AKAIN1: variants seen among roughly 807,000 people sequenced by gnomAD.
The protein encoded by AKAIN1 is A-kinase anchor protein inhibitor 1.
AKAIN1 carries 3 observed loss-of-function variants against 3.7 expected under a neutral mutation model. That is an observed-to-expected ratio of 0.82 (90% CI 0.37 to 2.12). The LOEUF (loss-of-function observed/expected upper bound fraction) is 2.12. AKAIN1 is among the 30% of genes most tolerant of loss of function. The probability of loss-of-function intolerance (pLI) is 0.06; values close to 1 mark genes in which losing one functional copy is unlikely to be tolerated. For synonymous variants in AKAIN1, 31 were observed against 30.8 expected (o/e 1.01, Z -0.02); for missense variants, 82 against 82.7 (o/e 0.99, Z 0.03).
intron 1 of AKAIN1, among the ~76,000 whole-genome samples, chr18:5,178,969 C>A (rs1344130057): frequency 6.6e-6 from 1 of 152,082 alleles, no homozygotes; most frequent in Non-Finnish European, 1.5e-5. Context: ...TTTGGGTTTT[C>A]CCTTCGTATT....
intron 1 of AKAIN1, among the ~76,000 whole-genome samples, chr18:5,182,415 C>T (rs2071263540): frequency 6.6e-6 from 1 of 152,086 alleles, no homozygotes; most frequent in Non-Finnish European, 1.5e-5. Context: ...TTTATTTTCA[C>T]TACCACTCTG....
intron 1 of AKAIN1, among the ~76,000 whole-genome samples, chr18:5,152,804 A>C (rs934265115): frequency 6.6e-6 from 1 of 152,124 alleles, no homozygotes; most frequent in Non-Finnish European, 1.5e-5. Context: ...CCAGAGAGGA[A>C]CTCAAGGCAG....
chr18:5,178,770 TC>T (rs1335664572), intron 1 of AKAIN1, among the ~76,000 whole-genome samples: 1 of 152,078 alleles, frequency 6.6e-6, no homozygotes. Context: ...CTTAGAACAC[TC>T]CCCTAGAGAT....
chr18:5,164,254 C>T (rs550445313), intron 1 of AKAIN1, among the ~76,000 whole-genome samples: 2 of 152,132 alleles, frequency 1.3e-5, no homozygotes, highest in East Asian at 3.9e-4. Context: ...GGATGACAAA[C>T]ATACAGGTTA....
chr18:5,196,305 GC>G (rs1230347221), intron 1 of AKAIN1, among the ~76,000 whole-genome samples: 6 of 152,224 alleles, frequency 3.9e-5, no homozygotes, highest in Non-Finnish European at 8.8e-5. Context: ...GGCCTCCCTT[GC>G]TCCAGTGGGG....
At chr18:5,160,377 G>A (rs1218011999) in intron 1 of AKAIN1, among the ~76,000 whole-genome samples, 1 of 152,124 alleles carries the variant, frequency 6.6e-6, no homozygotes, top group Admixed American at 6.6e-5. Context: ...TTATGATGAC[G>A]ATTCCCCTTT....
chr18:5,156,154 C>A (rs563532362), intron 1 of AKAIN1, among the ~76,000 whole-genome samples: 1 of 152,098 alleles, frequency 6.6e-6, no homozygotes, highest in African/African-American at 2.4e-5. Context: ...ATTCTCAGTT[C>A]CCGGGCATGG....
intron 1 of AKAIN1, among the ~76,000 whole-genome samples, chr18:5,162,110 G>A (rs1418516353): frequency 6.6e-6 from 1 of 152,076 alleles, no homozygotes; most frequent in Non-Finnish European, 1.5e-5. Context: ...AGATTATAAG[G>A]ACTTAGGTCA....
chr18:5,179,655 C>G (rs945800411), intron 1 of AKAIN1, among the ~76,000 whole-genome samples: 1 of 151,936 alleles, frequency 6.6e-6, no homozygotes, highest in African/African-American at 2.4e-5. Flanking sequence ...AAATCAGGAG[C>G]CTGGCACACC....
intron 1 of AKAIN1, among the ~76,000 whole-genome samples, chr18:5,171,345 A>G (rs2071196620): frequency 6.6e-6 from 1 of 152,178 alleles, no homozygotes; most frequent in Non-Finnish European, 1.5e-5. Context: ...AAATGGGATC[A>G]CATCAAGTTA....
chr18:5,169,235 C>T lies in AKAIN1; in HGVS notation c.17-23480G>A, dbSNP rs116673568. Among the ~76,000 whole-genome samples the T allele has an allele frequency of 3.6e-3, 541 of 152,082 alleles. 3 individuals carry two copies. The highest frequency in any genetic ancestry group is 0.012 in the African/African-American group (500 of 41,482). On this transcript the variant is annotated intron_variant, in intron 1 of 1. Coordinates refer to ENST00000434239, the MANE Select transcript of AKAIN1 (RefSeq NM_001145194.2). ...TCAACTGGTTGGATAAGACCACCCA[C>T]GTTATGGAGAGTCATATGCTTTACT...
chr18:5,191,820 C>T (rs1291331682), intron 1 of AKAIN1, among the ~76,000 whole-genome samples: 2 of 152,070 alleles, frequency 1.3e-5, no homozygotes, highest in East Asian at 3.9e-4. Flanking sequence ...GGAATCTTTG[C>T]ATATACATAA....
At chr18:5,176,830 C>A (rs964116979) in intron 1 of AKAIN1, among the ~76,000 whole-genome samples, 29 of 151,800 alleles carry the variant, frequency 1.9e-4, no homozygotes, top group African/African-American at 6.0e-4. Flanking sequence ...CCTTAAAATT[C>A]TCCCTGCACC....
chr18:5,148,417 AT>A (rs1256481771), intron 1 of AKAIN1, among the ~76,000 whole-genome samples: 2 of 152,214 alleles, frequency 1.3e-5, no homozygotes, highest in Non-Finnish European at 2.9e-5. Context: ...AGGGCAAGCA[AT>A]TTCTTTTTAA....
At chr18:5,175,975 T>C (rs2143358522) in intron 1 of AKAIN1, among the ~76,000 whole-genome samples, 1 of 152,204 alleles carries the variant, frequency 6.6e-6, no homozygotes, top group South Asian at 2.1e-4. Flanking sequence ...CATTTTGCAA[T>C]GGACCCTGCA....
rs114910373 is a variant in AKAIN1 at position 5,146,947 on chromosome 18, T to C, written c.17-1192A>G. On this transcript the variant is annotated intron_variant, in intron 1 of 1. Transcript: ENST00000434239. The stretch of plus-strand genomic sequence containing the variant: ...GCAAGGCAGTCTACCCAGCACTGAT[T>C]CTCTGCTTTCTTTCTTAGTTAAAAA... 3.5e-3 allele frequency among the ~76,000 whole-genome samples: 530 copies of C among 152,378 alleles called. 3 individuals are homozygous for C. Among genetic ancestry groups the C allele is most frequent in the African/African-American group, 0.012 (507 of 41,594 alleles).
chr18:5,154,269 T>C lies in AKAIN1; in HGVS notation c.17-8514A>G, dbSNP rs143818418. On this transcript the variant is annotated intron_variant, in intron 1 of 1. Transcript: ENST00000434239. ...ACACACTTGGAAAAAGACTTTTCAC[T>C]GGAGGTAGAGGCACAGAGAATGCTT... Among the ~76,000 whole-genome samples, 947 of 152,282 alleles carry C rather than the reference T, an allele frequency of 6.2e-3. 8 individuals are homozygous for C. The highest frequency in any genetic ancestry group is 0.022 in the African/African-American group (905 of 41,538).
chr18:5,197,229 G>A lies in AKAIN1; in HGVS notation c.-176C>T, dbSNP rs2071354404. On this transcript the variant is annotated 5_prime_UTR_variant, in exon 1 of 2. Coordinates refer to ENST00000434239, the MANE Select transcript of AKAIN1 (RefSeq NM_001145194.2). This position sits in a 1 kb window ranked among gnomAD's most constrained non-coding sequence, Gnocchi z 6.9. ...GCTAGATCCTGGGGCCGCAGCTCCA[G>A]CCGCCGCCGCGCGCTCTGCCTCCAC... 2 of 1,384,650 alleles carry A rather than the reference G, an allele frequency of 1.4e-6. No homozygotes were observed. Among genetic ancestry groups the A allele is most frequent in the Middle Eastern group, 2.7e-4 (1 of 3,740 alleles). The allele number at this position is 1,384,650 out of a possible 1,614,324, so 85.8% of individuals were successfully genotyped here.
At chr18:5,174,822 ACT>A (rs916830541) in intron 1 of AKAIN1, among the ~76,000 whole-genome samples, 2 of 151,994 alleles carry the variant, frequency 1.3e-5, no homozygotes, top group Non-Finnish European at 2.9e-5. Context: ...CACGGGAACA[ACT>A]CTACTGAAGA....
Sources: gnomAD v4.1 joint callset for allele counts (sites outside exome capture counted in the v4.1 genomes callset) on GRCh38, gnomAD v4.1.1 for gene constraint, Gnocchi (gnomAD v3.1) non-coding constraint, MANE v1.5 for transcripts, NCBI Gene and HGNC (gene_info 2026-07-23, HGNC 2026-07-21) for gene names.